Variants in METTL15 observed in about 807,000 individuals in gnomAD.
METTL15 encodes the protein 12S rRNA N(4)-cytidine methyltransferase METTL15.
In METTL15, 34 loss-of-function variants were observed where a neutral mutation model predicts 38.3. The observed-to-expected ratio is 0.89, with a 90% CI of 0.68 to 1.18. METTL15 has a LOEUF of 1.18. Among genes scored for constraint, METTL15 ranks in the 50% most tolerant of loss-of-function variants. The pLI is 0.00. For missense variants in METTL15, 438 were observed against 498.4 expected (o/e 0.88, Z 1.15); for synonymous variants, 162 against 170.9 (o/e 0.95, Z 0.41).
intron 5 of METTL15, among the ~76,000 whole-genome samples, chr11:28,392,495 C>T (rs1850520228): frequency 6.6e-6 from 1 of 152,042 alleles, no homozygotes; most frequent in African/African-American, 2.4e-5. Context: ...AAAAGATAGT[C>T]TCTTCAACAA....
intron 3 of METTL15, among the ~76,000 whole-genome samples, chr11:28,153,954 A>C (rs1850178666): frequency 6.6e-6 from 1 of 152,142 alleles, no homozygotes; most frequent in Admixed American, 6.6e-5. Context: ...AGCCTCTGTT[A>C]ATCTCTATAA....
In METTL15 at chr11:28,389,921, A is replaced by G. The variant is rs1407734890; in HGVS notation, c.*358+27885A>G. 6.0e-4 allele frequency among the ~76,000 whole-genome samples: 91 copies of G among 152,096 alleles called. 1 individual carries two copies. Among genetic ancestry groups the G allele is most frequent in the Non-Finnish European group, 8.5e-4 (58 of 68,002 alleles). ...GTTTCCTGACTTTTTAATGATTGCC[A>G]TTCTAACTGGTATGAGATGGTATCT... On this transcript the variant is annotated intron_variant and NMD_transcript_variant, in intron 5 of 7. Transcript: ENST00000532947.
In METTL15 at chr11:28,135,101, A is replaced by C. The variant is rs1240877238; in HGVS notation, c.270+21497A>C. Among the ~76,000 whole-genome samples, 3 of 152,206 alleles carry C rather than the reference A, an allele frequency of 2.0e-5. No individual in the cohort carries two copies. In the East Asian group the frequency reaches 5.8e-4, roughly 29 times the overall value. On this transcript the variant is annotated intron_variant, in intron 3 of 6. Transcript: ENST00000407364. ...AGGGTTAGTTTAAAATGTAGGCAAA[A>C]ACTTAAAAACAACTGATGAGATTAG...
At chr11:28,189,993 A>G (rs1243905804) in intron 3 of METTL15, among the ~76,000 whole-genome samples, 2 of 151,178 alleles carry the variant, frequency 1.3e-5, no homozygotes, top group Non-Finnish European at 3.0e-5. Context: ...CTAGAGTTCC[A>G]TAGAGTGCTC....
At chr11:28,372,926 A>G (rs1242009796) in intron 5 of METTL15, among the ~76,000 whole-genome samples, 1 of 150,778 alleles carries the variant, frequency 6.6e-6, no homozygotes, top group African/African-American at 2.4e-5. Context: ...AATTTCATCC[A>G]TGTCCCTACA....
downstream of METTL15, among the ~76,000 whole-genome samples, chr11:28,529,819 A>C (rs544953229): frequency 6.6e-6 from 1 of 152,244 alleles, no homozygotes; most frequent in South Asian, 2.1e-4. Context: ...ATTTTTGTGT[A>C]TATTGACTGA....
chr11:28,385,640 G>T (rs1315279534), intron 5 of METTL15, among the ~76,000 whole-genome samples: 6 of 152,030 alleles, frequency 3.9e-5, no homozygotes, highest in Non-Finnish European at 8.8e-5. Context: ...TTGTAAAAAG[G>T]TTCCATGTGA....
At chr11:28,137,401 C>T (rs181700622) in intron 3 of METTL15, among the ~76,000 whole-genome samples, 186 of 152,240 alleles carry the variant, frequency 1.2e-3, no homozygotes, top group African/African-American at 2.2e-3. Context: ...ATGCACCTTG[C>T]GGGTGAATCT....
downstream of METTL15, among the ~76,000 whole-genome samples, chr11:28,529,309 G>A (rs1290105037): frequency 2.6e-5 from 4 of 152,062 alleles, no homozygotes; most frequent in African/African-American, 9.7e-5. Context: ...CAAGTTCCAA[G>A]AGAAGGGCAG....
chr11:28,221,998 T>C (rs1162696371), intron 4 of METTL15, among the ~76,000 whole-genome samples: 1 of 152,086 alleles, frequency 6.6e-6, no homozygotes, highest in East Asian at 1.9e-4. Flanking sequence ...TACTGAGGGG[T>C]CAGGGACCCA....
chr11:28,480,357 A>T (rs993838416), intron 6 of METTL15, among the ~76,000 whole-genome samples: 1 of 152,234 alleles, frequency 6.6e-6, no homozygotes, highest in African/African-American at 2.4e-5. Flanking sequence ...GTGTACCATT[A>T]TATAGTATTT....
intron 5 of METTL15, among the ~76,000 whole-genome samples, chr11:28,400,179 G>A (rs1270725161): frequency 1.3e-5 from 2 of 151,890 alleles, no homozygotes; most frequent in East Asian, 3.9e-4. Flanking sequence ...AATTTATTCA[G>A]CCATCATTTA....
chr11:28,236,917 T>C (rs1423424596), intron 4 of METTL15, among the ~76,000 whole-genome samples: 2 of 152,198 alleles, frequency 1.3e-5, no homozygotes, highest in Admixed American at 6.5e-5. Flanking sequence ...TTTAAGAATG[T>C]TGAATATTGG....
chr11:28,176,876 A>C (rs1291295794), intron 3 of METTL15, among the ~76,000 whole-genome samples: 1 of 152,166 alleles, frequency 6.6e-6, no homozygotes, highest in Non-Finnish European at 1.5e-5. Flanking sequence ...AGAAATACAC[A>C]CTTGATAAAT....
At chr11:28,417,418 G>T (rs1850782986) in intron 5 of METTL15, among the ~76,000 whole-genome samples, 1 of 152,144 alleles carries the variant, frequency 6.6e-6, no homozygotes, top group South Asian at 2.1e-4. Flanking sequence ...AATATTGGAT[G>T]GCAATTATTT....
chr11:28,235,474 T>C (rs1853913743), intron 4 of METTL15, among the ~76,000 whole-genome samples: 3 of 152,096 alleles, frequency 2.0e-5, no homozygotes, highest in South Asian at 4.1e-4. Context: ...TATCCTCTTT[T>C]ATTTCCTTGA....
intron 3 of METTL15, among the ~76,000 whole-genome samples, chr11:28,148,125 G>C (rs1347821958): frequency 6.6e-6 from 1 of 151,820 alleles, no homozygotes; most frequent in African/African-American, 2.4e-5. Context: ...TACTTCTTGA[G>C]TCATATCTTG....
chr11:28,424,273 T>C (rs1850846606), intron 5 of METTL15: 1 of 152,210 alleles, frequency 6.6e-6, no homozygotes, highest in South Asian at 2.1e-4. Context: ...TCTTTTTTCC[T>C]GAACATTTGC....
At chr11:28,455,411 C>T (rs1366428729) in intron 6 of METTL15, among the ~76,000 whole-genome samples, 1 of 151,988 alleles carries the variant, frequency 6.6e-6, no homozygotes, top group Non-Finnish European at 1.5e-5. Context: ...ATTTATTCCA[C>T]GTTACCATAG....
Sources: gnomAD v4.1 joint callset for allele counts (sites outside exome capture counted in the v4.1 genomes callset) on GRCh38, gnomAD v4.1.1 for gene constraint, MANE v1.5 for transcripts, NCBI Gene and HGNC (gene_info 2026-07-23, HGNC 2026-07-21) for gene names.